Variants in DGCR2 observed in about 807,000 individuals in gnomAD.
DGCR2 encodes the protein integral membrane protein DGCR2/IDD.
DGCR2 carries 24 observed loss-of-function variants against 51.6 expected under a neutral mutation model. That is an observed-to-expected ratio of 0.47 (90% CI 0.34 to 0.65). The LOEUF is 0.65. Among genes scored for constraint, DGCR2 ranks in the 30% least tolerant of loss-of-function variants. DGCR2 has a pLI of 0.01. For synonymous variants in DGCR2, 340 were observed against 315.4 expected (o/e 1.08, Z -0.82); for missense variants, 765 against 772.1 (o/e 0.99, Z 0.11).
chr22:19,100,025 G>C (rs1287951551), intron 1 of DGCR2, among the ~76,000 whole-genome samples: 2 of 150,258 alleles, frequency 1.3e-5, no homozygotes, highest in Non-Finnish European at 2.9e-5. Flanking sequence ...TATAATCCCA[G>C]CACTTTGGGA....
intron 1 of DGCR2, among the ~76,000 whole-genome samples, chr22:19,091,752 A>G (rs1386520247): frequency 6.6e-6 from 1 of 151,804 alleles, no homozygotes; most frequent in East Asian, 1.9e-4. Flanking sequence ...GGAGTTCGAG[A>G]CCAGCCTGGC....
intron 1 of DGCR2, among the ~76,000 whole-genome samples, chr22:19,108,466 C>A (rs1202639717): frequency 6.7e-6 from 1 of 149,728 alleles, no homozygotes; most frequent in Admixed American, 6.8e-5. Flanking sequence ...CCCAGCTACT[C>A]GGTGAGGGTG....
chr22:19,071,424 C>T (rs1331624051), intron 2 of DGCR2, among the ~76,000 whole-genome samples: 5 of 152,094 alleles, frequency 3.3e-5, no homozygotes, highest in Non-Finnish European at 5.9e-5. Flanking sequence ...AATAATGAGA[C>T]AAAATGACCT....
At position 19,122,181 on chromosome 22, in the gene DGCR2, G is replaced by A. The variant is rs1167823371; in HGVS notation, c.26C>T (p.Ala9Val). 6.6e-7 allele frequency: 1 copy of A among 1,511,638 alleles called. No homozygotes were observed. Among genetic ancestry groups the A allele is most frequent in the Non-Finnish European group, 8.9e-7 (1 of 1,129,540 alleles). 93.6% of individuals were successfully genotyped at this position (1,511,638 alleles called of 1,614,324 possible). A position where few individuals can be genotyped will look rare whatever the true frequency, so the allele number is the denominator to read the frequency against. The part of the protein sequence containing the change: MVPKADSG[A>V]FLLLFLLVLT... ...CACGAGCAGGAAGAGCAGCAGGAAG[G>A]CGCCGCTGTCTGCCTTGGGCACCAT... is the stretch of plus-strand genomic sequence containing the variant. The change falls in exon 1 of 10, where the codon GCC becomes GTC. Residue 9 changes from alanine (A) to valine (V), a missense_variant. Ala to Val is a moderately conservative substitution (Grantham distance 64). Coordinates refer to ENST00000263196, the MANE Select transcript of DGCR2 (RefSeq NM_005137.3).
chr22:19,082,220 TTC>T (rs1232059866), intron 2 of DGCR2, among the ~76,000 whole-genome samples: 1 of 137,210 alleles, frequency 7.3e-6, no homozygotes, highest in Non-Finnish European at 1.5e-5. Context: ...GGCTAATTAT[TTC>T]TTTTTTTTTT....
At chr22:19,100,121 T>C (rs1426643741) in intron 1 of DGCR2, among the ~76,000 whole-genome samples, 1 of 151,832 alleles carries the variant, frequency 6.6e-6, no homozygotes, top group South Asian at 2.1e-4. Flanking sequence ...AATACAAACA[T>C]TAGCTGGACG....
intron 1 of DGCR2, among the ~76,000 whole-genome samples, chr22:19,091,472 C>T (rs1390310413): frequency 6.6e-6 from 1 of 152,150 alleles, no homozygotes; most frequent in East Asian, 1.9e-4. Flanking sequence ...TTCAAGAGGA[C>T]ATAATCCTAA....
chr22:19,083,459 G>A (rs1447624622), intron 2 of DGCR2, among the ~76,000 whole-genome samples: 2 of 152,056 alleles, frequency 1.3e-5, no homozygotes, highest in African/African-American at 2.4e-5. Flanking sequence ...TTTTAGAATC[G>A]ACTTATCGCA....
At position 19,118,952 on chromosome 22, in the gene DGCR2, C is replaced by G. The variant is rs539171064; in HGVS notation, c.79+3176G>C. Among the ~76,000 whole-genome samples the G allele has an allele frequency of 2.5e-4, 38 of 152,348 alleles. No homozygotes were observed. In the South Asian group the frequency reaches 7.7e-3, roughly 31 times the overall value. On this transcript the variant is annotated intron_variant, in intron 1 of 9. Transcript: ENST00000263196. ...AGTTACCTCAGCAGTAGTCTCCAACCGTTCTTCCTCATCACACCCCCAGTG... is the reference window on the plus strand; with the variant it reads ...AGTTACCTCAGCAGTAGTCTCCAACGGTTCTTCCTCATCACACCCCCAGTG...
chr22:19,055,214 T>C (rs1259463123), intron 6 of DGCR2, among the ~76,000 whole-genome samples: 5 of 152,030 alleles, frequency 3.3e-5, no homozygotes, highest in Non-Finnish European at 5.9e-5. Flanking sequence ...TGGTTTAACA[T>C]AAGAAAATCC....
chr22:19,086,823 G>A (rs1012038488), intron 2 of DGCR2, among the ~76,000 whole-genome samples: 1 of 152,172 alleles, frequency 6.6e-6, no homozygotes, highest in Non-Finnish European at 1.5e-5. Context: ...CTCCATGCCA[G>A]GCCATGTGGT....
chr22:19,112,692 T>A (rs1601311936), intron 1 of DGCR2, among the ~76,000 whole-genome samples: 1 of 143,594 alleles, frequency 7.0e-6, no homozygotes, highest in Admixed American at 7.0e-5. Flanking sequence ...CACCTCAGCC[T>A]CCCAAAGTGC....
In DGCR2 at chr22:19,102,546, CA is replaced by C. The variant is rs562861282; in HGVS notation, c.80-13057del. 5.3e-4 allele frequency among the ~76,000 whole-genome samples: 81 copies of C among 151,882 alleles called. 1 individual carries two copies. The highest frequency in any genetic ancestry group is 8.8e-4 in the Non-Finnish European group (60 of 67,916). On this transcript the variant is annotated intron_variant, in intron 1 of 9. Transcript: ENST00000263196. ...TGAAATCCCATCTCTACTAAAAATA[CA>C]AAAAATTAGCCGGGCATGGTGGCGG...
intron 6 of DGCR2, among the ~76,000 whole-genome samples, chr22:19,049,462 C>G (rs1053971424): frequency 6.6e-6 from 1 of 152,074 alleles, no homozygotes; most frequent in African/African-American, 2.4e-5. Flanking sequence ...CTTACAGTCT[C>G]CAAATGGGGT....
chr22:19,052,488 C>T (rs907385021), intron 6 of DGCR2, among the ~76,000 whole-genome samples: 19 of 151,800 alleles, frequency 1.3e-4, no homozygotes, highest in Admixed American at 1.2e-3. Context: ...AACCTGTATG[C>T]GGATGTTCAC....
Position 19,073,838 on chromosome 22 carries a change from A to C in DGCR2, c.203-5613T>G, listed in dbSNP as rs112502098. 7.1e-3 allele frequency among the ~76,000 whole-genome samples: 1,077 copies of C among 152,302 alleles called. 11 individuals are homozygous for C. Among genetic ancestry groups the C allele is most frequent in the Non-Finnish European group, 0.011 (769 of 68,024 alleles). Reference sequence around the variant, plus strand: ...GTACTCGACTAAAATGAAGGAATAAAACAAAACAGGAAAGATATAAAAACC... The same window carrying C: ...GTACTCGACTAAAATGAAGGAATAACACAAAACAGGAAAGATATAAAAACC... On this transcript the variant is annotated intron_variant, in intron 2 of 9. Transcript: ENST00000263196.
intron 5 of DGCR2, chr22:19,060,777 C>A: frequency 2.2e-6 from 1 of 446,640 alleles, no homozygotes. Flanking sequence ...CCTGCAGGGT[C>A]TTGGCCCCCA....
chr22:19,084,090 C>T (rs543190114), intron 2 of DGCR2, among the ~76,000 whole-genome samples: 7 of 152,254 alleles, frequency 4.6e-5, no homozygotes, highest in African/African-American at 1.7e-4. Context: ...CTCCCAGCCG[C>T]CTGCCTTGGC....
At chr22:19,064,802 A>C in intron 4 of DGCR2, 46 bp downstream of exon 4, 1 of 1,575,266 alleles carries the variant, frequency 6.3e-7, no homozygotes, top group Non-Finnish European at 8.7e-7. Context: ...CTCAGTAGTC[A>C]TCAGACTCTG....
Sources: gnomAD v4.1 joint callset for allele counts (sites outside exome capture counted in the v4.1 genomes callset) on GRCh38, gnomAD v4.1.1 for gene constraint, MANE v1.5 for transcripts, NCBI Gene and HGNC (gene_info 2026-07-23, HGNC 2026-07-21) for gene names.